Variants in KIAA1549 observed in about 807,000 individuals in gnomAD.
KIAA1549 encodes UPF0606 protein KIAA1549.
In KIAA1549, 70 loss-of-function variants were observed where a neutral mutation model predicts 156.4. That is an observed-to-expected ratio of 0.45 (90% CI 0.37 to 0.55). The LOEUF is 0.55. Among genes scored for constraint, KIAA1549 ranks in the 20% least tolerant of loss-of-function variants. The pLI is 0.00. For missense variants in KIAA1549, 2,428 were observed against 2,540.9 expected, an observed-to-expected ratio of 0.96 and a Z score of 0.96; for synonymous variants, 1,103 against 1,066.4, an observed-to-expected ratio of 1.03 and a Z score of -0.67.
In KIAA1549 at chr7:138,859,434, C is replaced by T. The variant is rs76722155; in HGVS notation, c.5247+1705G>A. 3.1e-3 allele frequency among the ~76,000 whole-genome samples: 475 copies of T among 152,248 alleles called. 3 individuals carry two copies. Among genetic ancestry groups the T allele is most frequent in the African/African-American group, 0.011 (453 of 41,552 alleles). On this transcript the variant is annotated intron_variant, in intron 16 of 19. Coordinates refer to ENST00000422774, the MANE Select transcript of KIAA1549 (RefSeq NM_001164665.2). ...AATTTTGAGGGTTGTTCCTGCTAAT[C>T]TTTTTGAGGGGCTCTTTTGGGTAGT...
intron 7 of KIAA1549, among the ~76,000 whole-genome samples, chr7:138,904,425 T>C (rs1317192645): frequency 1.3e-5 from 2 of 152,190 alleles, no homozygotes; most frequent in South Asian, 2.1e-4. Flanking sequence ...CAAGGAGAAC[T>C]TGCAAGATGC....
At chr7:138,887,382 C>A (rs1811423248) in intron 10 of KIAA1549, among the ~76,000 whole-genome samples, 1 of 151,884 alleles carries the variant, frequency 6.6e-6, no homozygotes, top group South Asian at 2.1e-4. Flanking sequence ...CATCTGTGAC[C>A]CATGGACTAG....
intron 1 of KIAA1549, among the ~76,000 whole-genome samples, chr7:138,928,416 A>T (rs1387729843): frequency 3.3e-5 from 5 of 151,484 alleles, no homozygotes; most frequent in Non-Finnish European, 5.9e-5. Context: ...CCTCCCGAGT[A>T]GCTGAGACTA....
chr7:138,898,195 T>C (rs969701189), intron 9 of KIAA1549, among the ~76,000 whole-genome samples: 3 of 150,338 alleles, frequency 2.0e-5, no homozygotes, highest in Non-Finnish European at 2.9e-5. Context: ...TAGTCCCAGC[T>C]ACTTGGGAGG....
chr7:138,963,990 C>T (rs1490162014), intron 1 of KIAA1549, among the ~76,000 whole-genome samples: 1 of 152,190 alleles, frequency 6.6e-6, no homozygotes. Context: ...TATGGCTCAT[C>T]ATGGAATTTT....
intron 1 of KIAA1549, among the ~76,000 whole-genome samples, chr7:138,945,768 G>GT (rs1417564681): frequency 1.3e-5 from 2 of 152,110 alleles, no homozygotes; most frequent in African/African-American, 2.4e-5. Flanking sequence ...TAAAAGATTG[G>GT]TTTCTTTTCA....
intron 1 of KIAA1549, among the ~76,000 whole-genome samples, chr7:138,930,588 A>G (rs1159325410): frequency 3.3e-5 from 5 of 152,236 alleles, no homozygotes; most frequent in Admixed American, 2.6e-4. Context: ...TTAAATCTCA[A>G]GAACCAACCT....
chr7:138,909,949 A>G (rs1178543377), intron 4 of KIAA1549, among the ~76,000 whole-genome samples: 1 of 152,142 alleles, frequency 6.6e-6, no homozygotes, highest in Non-Finnish European at 1.5e-5. Flanking sequence ...TCCAGCTCCA[A>G]AAAAAAGAAA....
chr7:138,835,141 C>A lies in KIAA1549; in HGVS notation c.*2765G>T, dbSNP rs1291565376. On this transcript the variant is annotated 3_prime_UTR_variant, in exon 20 of 20. Transcript: ENST00000422774. ...GCCACACGCTGTCAACGCAAGGACC[C>A]TTCCTTTCAGTGGATGACGTGAACT... 9.0e-6 allele frequency: 2 copies of A among 222,126 alleles called. No homozygotes were observed. Among genetic ancestry groups the A allele is most frequent in the African/African-American group, 4.5e-5 (2 of 44,668 alleles). 13.8% of individuals were successfully genotyped at this position (222,126 alleles called of 1,614,324 possible).
intron 1 of KIAA1549, among the ~76,000 whole-genome samples, chr7:138,937,077 G>A (rs1160899258): frequency 6.6e-6 from 1 of 152,084 alleles, no homozygotes; most frequent in Non-Finnish European, 1.5e-5. Flanking sequence ...GCCCTCAGCT[G>A]AGATACAAGA....
rs369851973 is a variant in KIAA1549, at chr7:138,937,610, C to CGA, written c.188-18174_188-18173dup. 2.0e-5 allele frequency among the ~76,000 whole-genome samples: 3 copies of CGA among 151,994 alleles called. No homozygotes were observed. The South Asian group carries it at 6.2e-4, about 32-fold the overall frequency. On this transcript the variant is annotated intron_variant, in intron 1 of 19. Transcript: ENST00000422774. The stretch of plus-strand genomic sequence containing the variant: ...GGAACCTCAGGAAAGGATGAGGAGC[C>CGA]GAGAGAGAGAGACAGGAAGGCTGCT...
intron 1 of KIAA1549, among the ~76,000 whole-genome samples, chr7:138,944,522 C>T (rs1813285269): frequency 6.6e-6 from 1 of 152,132 alleles, no homozygotes; most frequent in Non-Finnish European, 1.5e-5. Context: ...AATTATCACA[C>T]AACCCACTAA....
At chr7:138,936,639 C>T (rs1380031843) in intron 1 of KIAA1549, among the ~76,000 whole-genome samples, 2 of 152,080 alleles carry the variant, frequency 1.3e-5, no homozygotes, top group Admixed American at 6.6e-5. Flanking sequence ...GTGTCTTAAG[C>T]CCCATATGCA....
chr7:138,937,334 A>G (rs561623685), intron 1 of KIAA1549, among the ~76,000 whole-genome samples: 68 of 152,302 alleles, frequency 4.5e-4, no homozygotes, highest in African/African-American at 1.3e-3. Context: ...ACTGTGAGCT[A>G]CTTGAAGGAA....
chr7:138,886,968 G>A (rs566443882), intron 10 of KIAA1549, among the ~76,000 whole-genome samples: 2 of 151,772 alleles, frequency 1.3e-5, no homozygotes, highest in Non-Finnish European at 2.9e-5. Flanking sequence ...ATGGTATGAT[G>A]TCGGCTTACT....
At chr7:138,844,602 G>A in intron 17 of KIAA1549, 128 bp from the exon 18 acceptor site, 3 of 842,642 alleles carry the variant, frequency 3.6e-6, no homozygotes, top group Non-Finnish European at 5.0e-6. Context: ...CTCCTCTCCT[G>A]GAAGGGGAAG....
At chr7:138,871,011 T>C (rs1314874212) in intron 13 of KIAA1549, 146 bp downstream of exon 13, 1 of 680,396 alleles carries the variant, frequency 1.5e-6, no homozygotes, top group East Asian at 2.8e-5. Context: ...GAGATGGCGT[T>C]TCACCATGTT....
Position 138,908,971 on chromosome 7 carries a change from G to T in KIAA1549, c.3276+20C>A, listed in dbSNP as rs1252945524. 6.2e-7 allele frequency: 1 copy of T among 1,613,494 alleles called. No individual in the cohort carries two copies. The highest frequency in any genetic ancestry group is 1.3e-5 in the African/African-American group (1 of 75,038). On this transcript the variant is annotated intron_variant, in intron 5 of 19. Coordinates refer to ENST00000422774, the MANE Select transcript of KIAA1549 (RefSeq NM_001164665.2). ...TTCAAGGGCTAAAGCCTTCTGCTCT[G>T]CATTCAGTGATATTCTCACCTGCAC...
chr7:138,970,263 A>T (rs1563098468), intron 1 of KIAA1549, among the ~76,000 whole-genome samples: 1 of 151,982 alleles, frequency 6.6e-6, no homozygotes, highest in African/African-American at 2.4e-5. Context: ...AACTATCTCC[A>T]AGTGCTTTTG....
Sources: allele counts gnomAD v4.1 joint callset (sites outside exome capture counted in the v4.1 genomes callset), GRCh38; gene constraint gnomAD v4.1.1; transcripts MANE v1.5; gene names NCBI Gene and HGNC (gene_info 2026-07-23, HGNC 2026-07-21).